Variants in SCN11A observed in about 807,000 individuals in gnomAD.
The protein encoded by SCN11A is sodium channel protein type 11 subunit alpha.
A neutral mutation model predicts 162.2 loss-of-function variants in SCN11A; 122 were observed. That is an observed-to-expected ratio of 0.75 (90% confidence interval 0.65 to 0.87). SCN11A has a LOEUF of 0.87. SCN11A is among the 40% of genes least tolerant of loss of function. SCN11A has a pLI of 0.00. For missense variants in SCN11A, 2,015 were observed against 2,181.6 expected, an observed-to-expected ratio of 0.92 and a Z score of 1.52; for synonymous variants, 758 against 751.5, an observed-to-expected ratio of 1.01 and a Z score of -0.14.
intron 27 of SCN11A, among the ~76,000 whole-genome samples, chr3:38,865,481 C>T (rs1693474992): frequency 6.6e-6 from 1 of 151,978 alleles, no homozygotes; most frequent in Admixed American, 6.6e-5. Context: ...TATCAAGGTA[C>T]ATTTTGGATG....
intron 2 of SCN11A, among the ~76,000 whole-genome samples, chr3:38,962,239 T>G (rs1036710297): frequency 1.3e-5 from 2 of 152,240 alleles, no homozygotes; most frequent in Non-Finnish European, 2.9e-5. Context: ...CTTATTTTTA[T>G]AGCAGTACCA....
intron 28 of SCN11A, among the ~76,000 whole-genome samples, chr3:38,855,146 G>C (rs11715722): frequency 0.14 from 21,487 of 152,208 alleles, 1,976 homozygotes; most frequent in East Asian, 0.25. Context: ...AGATCCCTGA[G>C]TAGGCTGCCT....
At chr3:38,857,630 T>C (rs1559489764) in intron 28 of SCN11A, among the ~76,000 whole-genome samples, 1 of 151,998 alleles carries the variant, frequency 6.6e-6, no homozygotes, top group African/African-American at 2.4e-5. Flanking sequence ...GACAACCAAA[T>C]AAGAAGCTCG....
intron 2 of SCN11A, among the ~76,000 whole-genome samples, chr3:38,996,256 T>C (rs1409253871): frequency 6.6e-6 from 1 of 152,174 alleles, no homozygotes; most frequent in African/African-American, 2.4e-5. Flanking sequence ...ACATAGGCAC[T>C]GGTTCACAGA....
Position 38,946,912 on chromosome 3 carries a change from A to G in SCN11A, c.268-5T>C, listed in dbSNP as rs760661204. 4.6e-6 allele frequency: 7 copies of G among 1,506,896 alleles called. No homozygotes were observed. The highest frequency in any genetic ancestry group is 1.2e-5 in the South Asian group (1 of 84,870). 93.3% of individuals were successfully genotyped at this position (1,506,896 alleles called of 1,614,324 possible). A position where few individuals can be genotyped will look rare whatever the true frequency, so the allele number is the denominator to read the frequency against. On this transcript the variant is annotated splice_region_variant and splice_polypyrimidine_tract_variant and intron_variant, in intron 5 of 29. Coordinates refer to ENST00000302328, the MANE Select transcript of SCN11A (RefSeq NM_001349253.2). ...TCTGTTTAACACCATAAATGTCTGC[A>G]AAACAAAAAAAACAATACAAGAAAA...
In SCN11A at chr3:38,854,270, T is replaced by C. The variant is rs76788345; in HGVS notation, c.4057-3519A>G. Among the ~76,000 whole-genome samples, 1,296 of 152,260 alleles carry C rather than the reference T, an allele frequency of 8.5e-3. 9 individuals are homozygous for C. Among genetic ancestry groups the C allele is most frequent in the Non-Finnish European group, 0.015 (991 of 68,000 alleles). ...AGTTGAGTACTATGACAGAGACATA[T>C]AGCCAGCAAAGACTGAAATATTTAC... On this transcript the variant is annotated intron_variant, in intron 28 of 29. Coordinates refer to ENST00000302328, the MANE Select transcript of SCN11A (RefSeq NM_001349253.2).
chr3:38,929,128 T>TGCGC (rs145292640), intron 7 of SCN11A, among the ~76,000 whole-genome samples: 6,556 of 84,106 alleles, frequency 0.078, 518 homozygotes, highest in African/African-American at 0.18. Flanking sequence ...ATACTGGGTC[T>TGCGC]GTGCACGCAC....
intron 17 of SCN11A, among the ~76,000 whole-genome samples, chr3:38,897,998 G>A (rs914667590): frequency 6.6e-6 from 1 of 152,134 alleles, no homozygotes; most frequent in Admixed American, 6.5e-5. Flanking sequence ...CACTTTGGGA[G>A]ACTGAGGTGG....
At chr3:38,946,323 A>C (rs576579604) in intron 6 of SCN11A, among the ~76,000 whole-genome samples, 21 of 152,214 alleles carry the variant, frequency 1.4e-4, no homozygotes, top group Non-Finnish European at 2.8e-4. Context: ...GCCAGTTTCC[A>C]TCTTTCAAGA....
chr3:39,050,798 C>A (rs1276711855), intron 1 of SCN11A, among the ~76,000 whole-genome samples: 1 of 152,172 alleles, frequency 6.6e-6, no homozygotes, highest in African/African-American at 2.4e-5. Context: ...ATTTTACATT[C>A]TTTTCTTCAA....
chr3:38,998,026 A>C (rs1218865084), intron 2 of SCN11A, among the ~76,000 whole-genome samples: 1 of 152,238 alleles, frequency 6.6e-6, no homozygotes, highest in Non-Finnish European at 1.5e-5. Context: ...AAGGATTTTC[A>C]TAATCCCCTT....
rs571092499 is a variant in SCN11A, at chr3:38,851,645, C to T, written c.4057-894G>A. On this transcript the variant is annotated intron_variant, in intron 28 of 29. Transcript: ENST00000302328. ...AAATTTTATAACATTCTTGACTATA[C>T]GTTGGTTGCTTTACAATCTGTGTAC... Among the ~76,000 whole-genome samples the T allele has an allele frequency of 1.1e-4, 17 of 152,268 alleles. No individual in the cohort carries two copies. The East Asian group carries it at 2.5e-3, about 22-fold the overall frequency.
At chr3:38,935,136 C>A (rs2125562621) in intron 7 of SCN11A, among the ~76,000 whole-genome samples, 1 of 152,176 alleles carries the variant, frequency 6.6e-6, no homozygotes, top group East Asian at 1.9e-4. Flanking sequence ...CTACTGGGTA[C>A]ATAACGAAAT....
At chr3:38,881,944 G>A (rs1420681686) in intron 22 of SCN11A, among the ~76,000 whole-genome samples, 2 of 152,012 alleles carry the variant, frequency 1.3e-5, no homozygotes, top group Non-Finnish European at 2.9e-5. Context: ...TGGCCTTTTG[G>A]CACTGTCACT....
intron 25 of SCN11A, 82 bp downstream of exon 25, chr3:38,871,363 G>C (rs1575226856): frequency 2.2e-6 from 3 of 1,337,504 alleles, no homozygotes; most frequent in Admixed American, 2.4e-5. Flanking sequence ...TGGAGTCACT[G>C]CATTTTTATT....
At position 38,871,447 on chromosome 3, in the gene SCN11A, C is replaced by T. The variant is rs189010673; in HGVS notation, c.3757G>A (p.Val1253Met). The change falls in exon 25 of 30, where the codon GTG becomes ATG. Residue 1253 changes from valine (V) to methionine (M), a missense_variant and splice_region_variant. Transcript: ENST00000302328. ...VGNAYLALLQ[V>M]ATFKGWMDII... ...AAAAACATACTGACTGTACTTACCACTTGCAGCAGAGCGAGGTAAGCATTT... is the reference window on the plus strand; with the variant it reads ...AAAAACATACTGACTGTACTTACCATTTGCAGCAGAGCGAGGTAAGCATTT... The T allele has an allele frequency of 1.2e-6, 2 of 1,601,266 alleles. No homozygotes were observed. The highest frequency in any genetic ancestry group is 1.1e-5 in the South Asian group (1 of 88,038).
intron 9 of SCN11A, among the ~76,000 whole-genome samples, 153 bp downstream of exon 9, chr3:38,925,262 A>T (rs1197022458): frequency 6.6e-6 from 1 of 151,786 alleles, no homozygotes; most frequent in Non-Finnish European, 1.5e-5. Context: ...TGGACATATT[A>T]GGTGCTCAAT....
intron 2 of SCN11A, among the ~76,000 whole-genome samples, chr3:39,020,969 G>A (rs573610673): frequency 1.3e-5 from 2 of 151,994 alleles, no homozygotes; most frequent in South Asian, 4.2e-4. Flanking sequence ...AAAGGGGAGT[G>A]GGGAGGAACT....
At chr3:39,002,604 T>C (rs1030734355) in intron 2 of SCN11A, among the ~76,000 whole-genome samples, 1 of 152,228 alleles carries the variant, frequency 6.6e-6, no homozygotes, top group African/African-American at 2.4e-5. Context: ...GAGACAGATG[T>C]AGTACAATTC....
Sources: gnomAD v4.1 joint callset for allele counts (sites outside exome capture counted in the v4.1 genomes callset) on GRCh38, gnomAD v4.1.1 for gene constraint, MANE v1.5 for transcripts, NCBI Gene and HGNC (gene_info 2026-07-23, HGNC 2026-07-21) for gene names.